DST: variants seen among roughly 807,000 people sequenced by gnomAD.
DST encodes the protein bullous pemphigoid antigen.
Under a neutral mutation model 875.2 loss-of-function variants are expected in DST, and 253 were observed. The observed-to-expected ratio is 0.29, with a 90% CI of 0.26 to 0.32. DST has a LOEUF of 0.32. Ranked by LOEUF, DST falls within the 10% of genes least tolerant of loss-of-function variation. DST has a pLI of 1.00. For missense variants in DST, 8,287 were observed against 9,111.6 expected, an observed-to-expected ratio of 0.91 and a Z score of 3.68; for synonymous variants, 3,124 against 3,197.1, an observed-to-expected ratio of 0.98 and a Z score of 0.77.
Position 56,632,978 on chromosome 6 carries a change from A to G in DST, c.3681T>C (p.Phe1227=). The change falls in exon 28 of 104, where the codon TTT becomes TTC. Residue 1227 remains phenylalanine, a synonymous_variant. Transcript: ENST00000680361. Reference sequence around the variant, plus strand: ...CCTGGCTATCTTCCAGAAAATCTTCAAAACGAGATTGTAGATTACTTAGAA... The same window carrying G: ...CCTGGCTATCTTCCAGAAAATCTTCGAAACGAGATTGTAGATTACTTAGAA... ...QQVLSNLQSR[F]EDFLEDSQES... 1 of 1,614,074 alleles carries G rather than the reference A, an allele frequency of 6.2e-7. No homozygotes were observed. The highest frequency in any genetic ancestry group is 8.5e-7 in the Non-Finnish European group (1 of 1,179,994).
At chr6:56,853,006 G>C (rs1409636800) in intron 3 of DST, among the ~76,000 whole-genome samples, 2 of 152,152 alleles carry the variant, frequency 1.3e-5, no homozygotes, top group African/African-American at 4.8e-5. Context: ...GGCTATGCAT[G>C]GTCAACACCA....
Position 56,641,998 on chromosome 6 carries a change from A to T in DST, c.1976T>A (p.Val659Glu), listed in dbSNP as rs373037345. ...ENLLRQHVID[V>E]QILIDGKYYQ... Reference sequence around the variant, plus strand: ...GTATTTTCCATCAATAAGAATCTGTACATCAATTACATGCTGGCGTAAAAG... The same window carrying T: ...GTATTTTCCATCAATAAGAATCTGTTCATCAATTACATGCTGGCGTAAAAG... The change falls in exon 17 of 104, where the codon GTA becomes GAA. Residue 659 changes from valine (V) to glutamate (E), a missense_variant. Physicochemically the swap from Val to Glu is moderately radical, Grantham distance 121. This residue lies in a region of DST where 1,160 missense variants were observed against 1,424.3 expected (regional missense o/e 0.81). Coordinates refer to ENST00000680361, the MANE Select transcript of DST (RefSeq NM_001374736.1). The T allele has an allele frequency of 1.7e-5, 28 of 1,613,482 alleles. No individual in the cohort carries two copies. The highest frequency in any genetic ancestry group is 2.4e-5 in the Non-Finnish European group (28 of 1,179,604).
intron 2 of DST, among the ~76,000 whole-genome samples, chr6:56,953,328 A>G (rs780847890): frequency 2.0e-5 from 3 of 152,254 alleles, no homozygotes; most frequent in Admixed American, 6.5e-5. Context: ...ATGGTCCCCA[A>G]TAAAACATGG....
intron 2 of DST, among the ~76,000 whole-genome samples, chr6:56,936,246 G>C (rs1002875109): frequency 3.9e-5 from 6 of 152,194 alleles, no homozygotes; most frequent in Admixed American, 3.9e-4. Flanking sequence ...AGTAGAATAA[G>C]CATGTCTCTC....
At chr6:56,830,777 G>A (rs1466437362) in intron 4 of DST, among the ~76,000 whole-genome samples, 1 of 152,140 alleles carries the variant, frequency 6.6e-6, no homozygotes, top group African/African-American at 2.4e-5. Context: ...CCTAACTATG[G>A]ACTGTAATTC....
chr6:56,938,423 C>G (rs1163483544), intron 2 of DST, among the ~76,000 whole-genome samples: 1 of 152,038 alleles, frequency 6.6e-6, no homozygotes, highest in Non-Finnish European at 1.5e-5. Context: ...AGCACCCAGT[C>G]TGAAATTTTT....
At chr6:56,623,867 T>A (rs1232665928) in intron 36 of DST, among the ~76,000 whole-genome samples, 17 of 152,050 alleles carry the variant, frequency 1.1e-4, no homozygotes, top group Non-Finnish European at 1.2e-4. Context: ...GATTTTTAAA[T>A]ATATGATTTA....
rs1562695477 is a variant in DST at position 56,546,376 on chromosome 6, AT to A, written c.16608+5807del. Among the ~76,000 whole-genome samples the A allele has an allele frequency of 1.0e-3, 142 of 137,644 alleles. 1 individual carries two copies. In the East Asian group the frequency reaches 0.018, roughly 17 times the overall value. 90.3% of individuals were successfully genotyped at this position (137,644 alleles called of 152,430 possible). ...TATATATATATATATATATATATAT[AT>A]ATATATATATATAAATGTCAAAAAG... On this transcript the variant is annotated intron_variant, in intron 61 of 103. Transcript: ENST00000680361.
At chr6:56,877,510 T>C (rs1780094258) in intron 3 of DST, among the ~76,000 whole-genome samples, 2 of 152,206 alleles carry the variant, frequency 1.3e-5, no homozygotes, top group Admixed American at 6.5e-5. Flanking sequence ...GAGCAAAGAT[T>C]GTGCCGCTGT....
chr6:56,526,129 G>A (rs1239779177), intron 69 of DST, among the ~76,000 whole-genome samples: 1 of 152,194 alleles, frequency 6.6e-6, no homozygotes, highest in African/African-American at 2.4e-5. Flanking sequence ...ACTTGGTAAG[G>A]ATAAATCTGT....
In DST at chr6:56,640,333, G is replaced by A. The variant is rs1587524360; in HGVS notation, c.2300C>T (p.Thr767Ile). 3.7e-6 allele frequency: 6 copies of A among 1,614,200 alleles called. No homozygotes were observed. Among genetic ancestry groups the A allele is most frequent in the Non-Finnish European group, 5.1e-6 (6 of 1,180,022 alleles). Residue 767 changes from threonine (T) to isoleucine (I), a missense_variant, in exon 18 of 104, where the codon ACA becomes ATA. Thr to Ile is a moderately conservative substitution (Grantham distance 89, BLOSUM62 -1). This residue lies in a region of DST where 1,160 missense variants were observed against 1,424.3 expected (regional missense o/e 0.81). Transcript: ENST00000680361. ...AACTAATCCTGATGGGAAACCAGGT[G>A]TATAAGCTGGAGTGACAGATGGAGT... is the stretch of plus-strand genomic sequence containing the variant. ...RLTPSVTPAY[T>I]PGFPSGLVPN...
intron 4 of DST, among the ~76,000 whole-genome samples, chr6:56,785,370 C>G (rs1564170046): frequency 6.6e-6 from 1 of 152,236 alleles, no homozygotes; most frequent in African/African-American, 2.4e-5. Flanking sequence ...CCACCCAGTT[C>G]GATCTTCCAG....
chr6:56,463,534 G>A, intron 101 of DST, 31 bp downstream of exon 101: 1 of 1,518,924 alleles, frequency 6.6e-7, no homozygotes, highest in Middle Eastern at 1.8e-4. Context: ...GATTGCAAAG[G>A]TGGAGGAAAA....
chr6:56,634,347 G>A (rs764881006), intron 26 of DST, 89 bp from the exon 27 acceptor site: 78 of 1,605,128 alleles, frequency 4.9e-5, no homozygotes, highest in East Asian at 2.2e-5. Context: ...AATATTCCAC[G>A]GATGAGTTCT....
At chr6:56,534,900 T>G (rs2096966760) in intron 63 of DST, among the ~76,000 whole-genome samples, 1 of 152,232 alleles carries the variant, frequency 6.6e-6, no homozygotes, top group African/African-American at 2.4e-5. Flanking sequence ...TGAGAAATGT[T>G]CATCTTTTTT....
intron 62 of DST, 121 bp downstream of exon 62, chr6:56,536,658 G>T: frequency 9.9e-7 from 1 of 1,011,086 alleles, no homozygotes; most frequent in Non-Finnish European, 1.4e-6. Flanking sequence ...CCAGTTTACA[G>T]TAATATAAAA....
rs774590701 is a variant in DST at position 56,701,920 on chromosome 6, G to C, written c.922C>G (p.Gln308Glu). ...CTTTTCAAATAGTCAAGTGCAATTT[G>C]TACATTCTGTAGTCTGTGAAAACGC... ...RMRFHRLQNV[Q>E]IALDYLKRRQ... The change falls in exon 8 of 104, where the codon CAA becomes GAA. Residue 308 changes from glutamine to glutamate, a missense_variant. Physicochemically the swap from Gln to Glu is conservative, Grantham distance 29. Transcript: ENST00000680361. The C allele has an allele frequency of 6.2e-7, 1 of 1,611,282 alleles. No homozygotes were observed. Among genetic ancestry groups the C allele is most frequent in the Admixed American group, 1.7e-5 (1 of 59,722 alleles).
At chr6:56,912,222 T>C (rs1799072454) in intron 2 of DST, among the ~76,000 whole-genome samples, 1 of 152,216 alleles carries the variant, frequency 6.6e-6, no homozygotes, top group Admixed American at 6.5e-5. Context: ...TCTGGCCCTT[T>C]GGAATTATTA....
At chr6:56,811,417 T>C (rs375141973) in intron 4 of DST, among the ~76,000 whole-genome samples, 2 of 152,210 alleles carry the variant, frequency 1.3e-5, no homozygotes, top group African/African-American at 2.4e-5. Context: ...TGGAATGAAG[T>C]AAAACGTCAG....
Sources: gnomAD v4.1 joint callset for allele counts (sites outside exome capture counted in the v4.1 genomes callset) on GRCh38, gnomAD v4.1.1 for gene constraint, gnomAD v4.1.1 regional missense constraint, MANE v1.5 for transcripts, NCBI Gene and HGNC (gene_info 2026-07-23, HGNC 2026-07-21) for gene names.